The following SUGCT variants were observed in gnomAD, a reference collection of about 807,000 sequenced individuals.
The protein encoded by SUGCT is succinyl-CoA:glutarate-CoA transferase.
In SUGCT, 41 loss-of-function variants were observed where a neutral mutation model predicts 55.0. The observed-to-expected ratio is 0.74, with a 90% CI of 0.58 to 0.97. The LOEUF is 0.97. Ranked by LOEUF, SUGCT falls within the 50% of genes least tolerant of loss-of-function variation. The pLI, the probability that SUGCT is intolerant of heterozygous loss-of-function variation, is 0.00. For missense variants in SUGCT, 568 were observed against 547.8 expected (o/e 1.04, Z -0.37); for synonymous variants, 187 against 200.4 (o/e 0.93, Z 0.56).
At chr7:40,250,670 G>T (rs958791262) in intron 7 of SUGCT, among the ~76,000 whole-genome samples, 1 of 151,844 alleles carries the variant, frequency 6.6e-6, no homozygotes, top group African/African-American at 2.4e-5. Context: ...CAATTTAATT[G>T]AATTTAACAG....
intron 5 of SUGCT, among the ~76,000 whole-genome samples, chr7:40,191,800 C>T (rs1448298636): frequency 6.6e-6 from 1 of 152,090 alleles, no homozygotes; most frequent in African/African-American, 2.4e-5. Context: ...GTACAGATTT[C>T]TCTTCTGGCC....
At chr7:40,824,805 C>G (rs973256901) in intron 13 of SUGCT, among the ~76,000 whole-genome samples, 1 of 152,190 alleles carries the variant, frequency 6.6e-6, no homozygotes, top group South Asian at 2.1e-4. Flanking sequence ...AAAGAGAGAG[C>G]AGAAGTGAGT....
chr7:40,925,000 T>C, the SUGCT span, among the ~76,000 whole-genome samples: 3 of 152,178 alleles, frequency 2.0e-5, no homozygotes, highest in Non-Finnish European at 4.4e-5. Context: ...TTCTTGTACA[T>C]GACTCCCAGT....
chr7:40,824,609 G>A (rs1792220118), intron 13 of SUGCT, among the ~76,000 whole-genome samples: 1 of 152,196 alleles, frequency 6.6e-6, no homozygotes, highest in African/African-American at 2.4e-5. Flanking sequence ...TTCTTCCTGT[G>A]TCTTTGTTTC....
At chr7:40,868,574 G>A in the SUGCT span, among the ~76,000 whole-genome samples, 1 of 152,058 alleles carries the variant, frequency 6.6e-6, no homozygotes, top group Non-Finnish European at 1.5e-5. Context: ...AGAGGTGAGC[G>A]CTTGCTCTGT....
chr7:40,999,798 A>G, the SUGCT span, among the ~76,000 whole-genome samples: 2 of 152,190 alleles, frequency 1.3e-5, no homozygotes, highest in Non-Finnish European at 2.9e-5. Flanking sequence ...TCCTCCATTA[A>G]AAAATTTAAC....
chr7:40,692,336 A>C (rs1475494902), intron 12 of SUGCT, among the ~76,000 whole-genome samples: 1 of 152,202 alleles, frequency 6.6e-6, no homozygotes, highest in Non-Finnish European at 1.5e-5. Context: ...CCTGAGAATA[A>C]GGGTATTACT....
the SUGCT span, among the ~76,000 whole-genome samples, chr7:41,019,836 A>G: frequency 6.6e-6 from 1 of 152,232 alleles, no homozygotes; most frequent in Non-Finnish European, 1.5e-5. Context: ...CAGGAAAAAC[A>G]AATTTTTAAA....
intron 12 of SUGCT, among the ~76,000 whole-genome samples, chr7:40,569,769 C>G (rs1324194638): frequency 6.6e-6 from 1 of 152,152 alleles, no homozygotes; most frequent in East Asian, 1.9e-4. Context: ...AGCAATTAGA[C>G]TGTCTTTTCC....
intron 9 of SUGCT, among the ~76,000 whole-genome samples, chr7:40,382,923 A>G (rs1562734306): frequency 6.6e-6 from 1 of 152,224 alleles, no homozygotes; most frequent in Non-Finnish European, 1.5e-5. Flanking sequence ...GTAAGATTTC[A>G]TATTTAACAC....
chr7:40,135,231 C>G, intron 1 of SUGCT, 111 bp downstream of exon 1: 1 of 1,304,510 alleles, frequency 7.7e-7, no homozygotes, highest in Non-Finnish European at 1.0e-6. Flanking sequence ...GACCCCTTAG[C>G]GGTGGCTTTG....
At chr7:40,605,304 T>C (rs1291196840) in intron 12 of SUGCT, among the ~76,000 whole-genome samples, 1 of 152,220 alleles carries the variant, frequency 6.6e-6, no homozygotes, top group African/African-American at 2.4e-5. Flanking sequence ...TTCAGTTCAG[T>C]GGCACAATAC....
At position 40,715,566 on chromosome 7, in the gene SUGCT, T is replaced by C. The variant is rs183187615; in HGVS notation, c.1090-33868T>C. Among the ~76,000 whole-genome samples, 273 of 152,272 alleles carry C rather than the reference T, an allele frequency of 1.8e-3. 1 individual carries two copies. The highest frequency in any genetic ancestry group is 6.8e-3 in the Middle Eastern group (2 of 294). ...TGCCCCCCCTCATGTGTTTTCTATCTCAGTGGATGGGCACGAGCATCTACC... is the reference window on the plus strand; with the variant it reads ...TGCCCCCCCTCATGTGTTTTCTATCCCAGTGGATGGGCACGAGCATCTACC... On this transcript the variant is annotated intron_variant, in intron 12 of 13. Transcript: ENST00000335693.
At chr7:40,618,838 ATT>A (rs1799131602) in intron 12 of SUGCT, among the ~76,000 whole-genome samples, 1 of 152,198 alleles carries the variant, frequency 6.6e-6, no homozygotes, top group Non-Finnish European at 1.5e-5. Flanking sequence ...TTTAAATCTG[ATT>A]TTTCTGTTTC....
chr7:40,514,947 G>A (rs1463980216), intron 12 of SUGCT, among the ~76,000 whole-genome samples: 3 of 152,140 alleles, frequency 2.0e-5, no homozygotes, highest in Admixed American at 6.5e-5. Flanking sequence ...TTGATTCACA[G>A]AATATCCTGA....
chr7:40,907,130 TGTGTGTGTGTGAGAGAGAGA>T, the SUGCT span, among the ~76,000 whole-genome samples: 7 of 112,342 alleles, frequency 6.2e-5, no homozygotes, highest in Admixed American at 8.4e-5. Flanking sequence ...TGTGTGTGTG[TGTGTGTGTGTGAGAGAGAGA>T]GAGAGAGAGA....
rs574631223 is a variant in SUGCT, at chr7:40,194,705, A to G, written c.364-235A>G. 3.4e-4 allele frequency among the ~76,000 whole-genome samples: 52 copies of G among 152,364 alleles called. 1 individual carries two copies. In the South Asian group the frequency reaches 0.01, roughly 30 times the overall value. On this transcript the variant is annotated intron_variant, in intron 5 of 13. Transcript: ENST00000335693. ...GATATTTATTACATTTGAAGGATGC[A>G]GAATCCATTCTGCATGTACTTACAT... is the stretch of plus-strand genomic sequence containing the variant.
chr7:40,253,126 G>A (rs886220332), intron 7 of SUGCT, among the ~76,000 whole-genome samples: 1 of 152,168 alleles, frequency 6.6e-6, no homozygotes, highest in Non-Finnish European at 1.5e-5. Context: ...TAGATAAGCT[G>A]TTTAGACAAA....
chr7:40,533,035 A>G (rs916328174), intron 12 of SUGCT, among the ~76,000 whole-genome samples: 2 of 152,188 alleles, frequency 1.3e-5, no homozygotes, highest in Admixed American at 1.3e-4. Flanking sequence ...ATATTTTCAG[A>G]TGGTGCAGAA....
Sources: gnomAD v4.1 joint callset for allele counts (sites outside exome capture counted in the v4.1 genomes callset) on GRCh38, gnomAD v4.1.1 for gene constraint, MANE v1.5 for transcripts, NCBI Gene and HGNC (gene_info 2026-07-23, HGNC 2026-07-21) for gene names.